The following WWOX variants were observed in gnomAD, a reference collection of about 807,000 sequenced individuals.
The protein encoded by WWOX is WW domain containing oxidoreductase.
Under a neutral mutation model 46.2 loss-of-function variants are expected in WWOX, and 69 were observed. The observed-to-expected ratio is 1.49, with a 90% CI of 1.23 to 1.82. The LOEUF (loss-of-function observed/expected upper bound fraction) is 1.82. Among genes scored for constraint, WWOX ranks in the 40% most tolerant of loss-of-function variants. WWOX has a pLI of 0.00. For synonymous variants in WWOX, 359 were observed against 202.6 expected, an observed-to-expected ratio of 1.77 and a Z score of -6.56; for missense variants, 919 against 542.6, an observed-to-expected ratio of 1.69 and a Z score of -6.89.
At chr16:78,349,654 C>T (rs192748484) in intron 5 of WWOX, among the ~76,000 whole-genome samples, 10 of 120,372 alleles carry the variant, frequency 8.3e-5, no homozygotes, top group East Asian at 5.8e-4. Context: ...TGCACCCTTC[C>T]GACAATCCTT....
At chr16:78,348,612 T>C (rs563891126) in intron 5 of WWOX, among the ~76,000 whole-genome samples, 2 of 119,790 alleles carry the variant, frequency 1.7e-5, no homozygotes, top group South Asian at 5.1e-4. Context: ...CACATGCCAC[T>C]ACACCCAGTT....
At chr16:78,736,343 C>A (rs561040151) in intron 8 of WWOX, among the ~76,000 whole-genome samples, 2 of 152,164 alleles carry the variant, frequency 1.3e-5, no homozygotes, top group South Asian at 4.2e-4. Context: ...GACAAGGATG[C>A]CAGCAAAGTG....
chr16:78,208,561 G>A (rs973638836), intron 5 of WWOX, among the ~76,000 whole-genome samples: 1 of 152,122 alleles, frequency 6.6e-6, no homozygotes, highest in African/African-American at 2.4e-5. Flanking sequence ...ATATGTTGCA[G>A]TTGCAAACAA....
At chr16:79,208,813 A>T (rs1375446299) in intron 8 of WWOX, among the ~76,000 whole-genome samples, 3 of 152,174 alleles carry the variant, frequency 2.0e-5, no homozygotes, top group Admixed American at 6.5e-5. Context: ...TTAAGATGTC[A>T]CTCAGAGGTT....
intron 5 of WWOX, among the ~76,000 whole-genome samples, chr16:78,209,851 A>T (rs1193910511): frequency 6.6e-6 from 1 of 152,186 alleles, no homozygotes; most frequent in African/African-American, 2.4e-5. Context: ...TTCCAAGGGT[A>T]AGACCTTCAT....
At chr16:79,095,669 G>A (rs1567546931) in intron 8 of WWOX, among the ~76,000 whole-genome samples, 1 of 152,098 alleles carries the variant, frequency 6.6e-6, no homozygotes, top group Non-Finnish European at 1.5e-5. Flanking sequence ...TTTCAACATG[G>A]AACCATTATT....
intron 8 of WWOX, among the ~76,000 whole-genome samples, chr16:78,803,064 G>A (rs935370356): frequency 2.0e-5 from 3 of 151,340 alleles, no homozygotes; most frequent in Admixed American, 6.6e-5. Context: ...TATCTAGTAG[G>A]TGCTTTATTT....
At chr16:78,512,749 A>C (rs1267450546) in intron 8 of WWOX, among the ~76,000 whole-genome samples, 1 of 152,260 alleles carries the variant, frequency 6.6e-6, no homozygotes, top group East Asian at 1.9e-4. Context: ...AGTGATGCTA[A>C]AATAAGCTTG....
At chr16:78,618,837 C>T (rs1424413724) in intron 8 of WWOX, among the ~76,000 whole-genome samples, 2 of 151,760 alleles carry the variant, frequency 1.3e-5, no homozygotes, top group Non-Finnish European at 1.5e-5. Flanking sequence ...ACCAATCACT[C>T]AGACCCAGCT....
chr16:79,096,978 G>C (rs1011550411), intron 8 of WWOX, among the ~76,000 whole-genome samples: 1 of 152,126 alleles, frequency 6.6e-6, no homozygotes, highest in Non-Finnish European at 1.5e-5. Context: ...GCCAGGAAGG[G>C]GGCATGCTGT....
intron 8 of WWOX, among the ~76,000 whole-genome samples, chr16:78,787,939 T>G (rs2050496873): frequency 6.6e-6 from 1 of 152,222 alleles, no homozygotes; most frequent in Admixed American, 6.5e-5. Flanking sequence ...ATTTGTATCT[T>G]TTTTAAAATA....
At chr16:78,389,259 C>T (rs75686631) in intron 6 of WWOX, among the ~76,000 whole-genome samples, 7,388 of 152,292 alleles carry the variant, frequency 0.049, 268 homozygotes, top group Non-Finnish European at 0.078. Flanking sequence ...GACATTTGTT[C>T]GCTGATTTGC....
intron 8 of WWOX, among the ~76,000 whole-genome samples, chr16:78,771,820 G>A (rs1008570281): frequency 1.3e-5 from 2 of 151,434 alleles, no homozygotes; most frequent in African/African-American, 4.9e-5. Flanking sequence ...AATAAGAGTT[G>A]GATCACAGCA....
At chr16:78,843,713 G>A (rs987894551) in intron 8 of WWOX, among the ~76,000 whole-genome samples, 3 of 152,198 alleles carry the variant, frequency 2.0e-5, no homozygotes, top group African/African-American at 4.8e-5. Context: ...GTATCATTAA[G>A]TAAGTCCACA....
chr16:78,450,916 C>T (rs1053984876), intron 8 of WWOX, among the ~76,000 whole-genome samples: 2 of 152,296 alleles, frequency 1.3e-5, no homozygotes, highest in South Asian at 4.1e-4. Flanking sequence ...ATACAATTTT[C>T]TTCTGCTTTT....
chr16:78,643,738 C>G (rs1471958495), intron 8 of WWOX, among the ~76,000 whole-genome samples: 1 of 151,824 alleles, frequency 6.6e-6, no homozygotes, highest in African/African-American at 2.4e-5. Flanking sequence ...AAAAGGAAGC[C>G]CTAGACTTCT....
At chr16:78,616,723 G>A (rs924220204) in intron 8 of WWOX, among the ~76,000 whole-genome samples, 2 of 151,884 alleles carry the variant, frequency 1.3e-5, no homozygotes, top group Non-Finnish European at 2.9e-5. Flanking sequence ...CTGAGATGGT[G>A]CCACTGCACT....
intron 8 of WWOX, among the ~76,000 whole-genome samples, chr16:78,507,639 A>T (rs965992551): frequency 2.6e-5 from 4 of 152,168 alleles, no homozygotes; most frequent in African/African-American, 9.7e-5. Flanking sequence ...TCTTTGAGAA[A>T]TGCCTTGGTC....
chr16:78,912,431 G>A (rs2045135660), intron 8 of WWOX, among the ~76,000 whole-genome samples: 1 of 151,874 alleles, frequency 6.6e-6, no homozygotes, highest in African/African-American at 2.4e-5. Context: ...TTAGTAGATG[G>A]CAGCTCAAGG....
Sources: gnomAD v4.1 joint callset for allele counts (sites outside exome capture counted in the v4.1 genomes callset) on GRCh38, gnomAD v4.1.1 for gene constraint, MANE v1.5 for transcripts, NCBI Gene and HGNC (gene_info 2026-07-23, HGNC 2026-07-21) for gene names.